The following PSPH variants were observed in gnomAD, a reference collection of about 807,000 sequenced individuals.
The protein encoded by PSPH is phosphoserine phosphatase, also known as L-3-phosphoserine phosphatase.
In PSPH, 16 loss-of-function variants were observed where a neutral mutation model predicts 23.4. The ratio of observed to expected loss-of-function variants is 0.68; its 90% CI spans 0.46 to 1.04. The LOEUF (loss-of-function observed/expected upper bound fraction) is 1.04. Among genes scored for constraint, PSPH ranks in the 50% least tolerant of loss-of-function variants. The pLI, the probability that PSPH is intolerant of heterozygous loss-of-function variation, is 0.00. For missense variants in PSPH, 223 were observed against 273.7 expected (o/e 0.81, Z 1.31); for synonymous variants, 68 against 99.7 (o/e 0.68, Z 1.89).
At chr7:56,027,120 G>A (rs1325533013) in intron 3 of PSPH, among the ~76,000 whole-genome samples, 4 of 151,526 alleles carry the variant, frequency 2.6e-5, no homozygotes, top group East Asian at 2.0e-4. Context: ...CAAGAGAATC[G>A]CTTGAACCCG....
At chr7:56,027,888 A>T (rs995057564) in intron 3 of PSPH, among the ~76,000 whole-genome samples, 7 of 90,426 alleles carry the variant, frequency 7.7e-5, no homozygotes, top group African/African-American at 3.5e-4. Context: ...TTCTTTCTCT[A>T]AAAAAAAAAA....
In PSPH at chr7:56,015,125, A is replaced by G; in HGVS notation, c.468T>C (p.Gly156=). ...FDETQPTAES[G]GKGKVIKLLK... Reference sequence around the variant, plus strand: ...AAAGTTTAATCACTTTTCCTTTTCCACCAGATTCAGCTGTTGGCTGCGTCT... The same window carrying G: ...AAAGTTTAATCACTTTTCCTTTTCCGCCAGATTCAGCTGTTGGCTGCGTCT... The change falls in exon 7 of 8, where the codon GGT becomes GGC. Residue 156 remains glycine (G), a synonymous_variant. Transcript: ENST00000275605. 6.2e-7 allele frequency: 1 copy of G among 1,614,042 alleles called. No homozygotes were observed. Among genetic ancestry groups the G allele is most frequent in the Non-Finnish European group, 8.5e-7 (1 of 1,180,014 alleles).
At chr7:56,046,398 ATTGTT>A (rs1358144917) in intron 1 of PSPH, among the ~76,000 whole-genome samples, 1 of 151,924 alleles carries the variant, frequency 6.6e-6, no homozygotes, top group Non-Finnish European at 1.5e-5. Context: ...TCGGTGTTTT[ATTGTT>A]TTATTTTTGT....
At chr7:56,021,340 A>C (rs73140778) in intron 3 of PSPH, 109 bp from the exon 4 acceptor site, 167,097 of 1,029,186 alleles carry the variant, frequency 0.16, 14,736 homozygotes, top group Non-Finnish European at 0.18. Flanking sequence ...TGCAGGCCAC[A>C]TAAGAGTGTT....
At chr7:56,018,599 AG>A (rs1788907864) in intron 5 of PSPH, among the ~76,000 whole-genome samples, 2 of 152,114 alleles carry the variant, frequency 1.3e-5, no homozygotes, top group South Asian at 4.1e-4. Context: ...AGGCCAAGGT[AG>A]AAAATCACTT....
chr7:56,016,761 G>C (rs1407727882), intron 6 of PSPH, among the ~76,000 whole-genome samples: 3 of 151,542 alleles, frequency 2.0e-5, no homozygotes, highest in Non-Finnish European at 4.4e-5. Context: ...TTTTTTAGCA[G>C]AGTTGGGGTT....
At chr7:56,019,983 G>A (rs1562791695) in intron 4 of PSPH, among the ~76,000 whole-genome samples, 1 of 152,212 alleles carries the variant, frequency 6.6e-6, no homozygotes, top group Non-Finnish European at 1.5e-5. Context: ...TTGGGAAGCT[G>A]AGGTGGGCAG....
intron 1 of PSPH, among the ~76,000 whole-genome samples, chr7:56,044,844 C>T (rs1157510493): frequency 6.6e-6 from 1 of 151,822 alleles, no homozygotes; most frequent in African/African-American, 2.4e-5. Flanking sequence ...GTAATCCAGG[C>T]AGGCAGATCA....
intron 1 of PSPH, among the ~76,000 whole-genome samples, chr7:56,048,934 C>G (rs1313751456): frequency 3.3e-5 from 5 of 149,766 alleles, no homozygotes; most frequent in Non-Finnish European, 7.4e-5. Context: ...TTGTTTTTTT[C>G]TTTGAGACAG....
chr7:56,012,062 C>T (rs1036810295), intron 7 of PSPH, among the ~76,000 whole-genome samples, 193 bp from the exon 8 acceptor site: 3 of 151,140 alleles, frequency 2.0e-5, no homozygotes, highest in African/African-American at 4.9e-5. Flanking sequence ...TGCCCCACCT[C>T]GCCTGGCTAC....
At chr7:56,016,615 G>A (rs903876041) in intron 6 of PSPH, among the ~76,000 whole-genome samples, 3 of 151,880 alleles carry the variant, frequency 2.0e-5, no homozygotes, top group African/African-American at 7.3e-5. Context: ...TGTCACCCAG[G>A]CTGGAAGTGC....
At chr7:56,019,411 C>T (rs1350005123) in intron 5 of PSPH, among the ~76,000 whole-genome samples, 189 bp downstream of exon 5, 1 of 151,778 alleles carries the variant, frequency 6.6e-6, no homozygotes, top group Non-Finnish European at 1.5e-5. Context: ...TGCACTCCAG[C>T]CTGAGTGACA....
intron 3 of PSPH, among the ~76,000 whole-genome samples, chr7:56,027,474 C>T (rs545756326): frequency 3.7e-4 from 56 of 152,040 alleles, no homozygotes; most frequent in African/African-American, 1.2e-3. Context: ...GCCTGTAATC[C>T]CAGCACTTTG....
rs186987676 is a variant in PSPH at position 56,031,770 on chromosome 7, C to T, written c.-20+159G>A. 2.3e-3 allele frequency among the ~76,000 whole-genome samples: 349 copies of T among 152,170 alleles called. 2 individuals are homozygous for T. The highest frequency in any genetic ancestry group is 8.0e-3 in the African/African-American group (332 of 41,522). On this transcript the variant is annotated intron_variant, in intron 3 of 7. Coordinates refer to ENST00000275605, the MANE Select transcript of PSPH (RefSeq NM_004577.4). ...TGGAGGTTGCAGTAAGCCAAGATTG[C>T]GCCACTGCACTCCAGCCTAGGCGAC... is the stretch of plus-strand genomic sequence containing the variant.
chr7:56,020,934 T>C (rs1789297065), intron 4 of PSPH, 139 bp downstream of exon 4: 1 of 917,994 alleles, frequency 1.1e-6, no homozygotes, highest in Non-Finnish European at 1.7e-6. Context: ...AATGAATGAA[T>C]ATGTCAAATT....
At chr7:56,045,458 A>G (rs1793098508) in intron 1 of PSPH, among the ~76,000 whole-genome samples, 1 of 151,960 alleles carries the variant, frequency 6.6e-6, no homozygotes. Context: ...GTGAGACTCT[A>G]TCTCTTAAAA....
chr7:56,041,633 G>A (rs1307360342), intron 1 of PSPH, among the ~76,000 whole-genome samples: 1 of 151,934 alleles, frequency 6.6e-6, no homozygotes, highest in African/African-American at 2.4e-5. Flanking sequence ...CATTAGAAAC[G>A]TGTGAGTGCG....
intron 7 of PSPH, among the ~76,000 whole-genome samples, chr7:56,012,526 T>C (rs1788029538): frequency 6.6e-6 from 1 of 151,808 alleles, no homozygotes; most frequent in East Asian, 2.0e-4. Flanking sequence ...CCCTGAGAAA[T>C]CTCTTCATTT....
At chr7:56,023,406 G>C (rs531952933) in intron 3 of PSPH, among the ~76,000 whole-genome samples, 3 of 151,744 alleles carry the variant, frequency 2.0e-5, no homozygotes, top group Non-Finnish European at 4.4e-5. Flanking sequence ...CTACAGGTGC[G>C]CACCACTATG....
Sources: gnomAD v4.1 joint callset for allele counts (sites outside exome capture counted in the v4.1 genomes callset) on GRCh38, gnomAD v4.1.1 for gene constraint, MANE v1.5 for transcripts, NCBI Gene and HGNC (gene_info 2026-07-23, HGNC 2026-07-21) for gene names.